Variants in ELOVL2 observed in about 807,000 individuals in gnomAD.
ELOVL2 encodes the protein very long chain fatty acid elongase 2.
ELOVL2 carries 38 observed loss-of-function variants against 37.7 expected under a neutral mutation model. The observed-to-expected ratio is 1.01, with a 90% CI of 0.78 to 1.32. The LOEUF (loss-of-function observed/expected upper bound fraction) is 1.32, where lower values mean the gene tolerates loss of function less well. ELOVL2 is among the 40% of genes most tolerant of loss of function. The pLI is 0.00. For missense variants in ELOVL2, 352 were observed against 363.6 expected, an observed-to-expected ratio of 0.97 and a Z score of 0.26; for synonymous variants, 115 against 122.3, an observed-to-expected ratio of 0.94 and a Z score of 0.40.
At chr6:10,998,814 C>T (rs922017170) in intron 4 of ELOVL2, among the ~76,000 whole-genome samples, 3 of 152,144 alleles carry the variant, frequency 2.0e-5, no homozygotes, top group African/African-American at 7.2e-5. Flanking sequence ...GCTCGTTGTA[C>T]TGGGTTGTCA....
At chr6:11,021,707 G>A (rs1398824070) in intron 1 of ELOVL2, among the ~76,000 whole-genome samples, 1 of 152,118 alleles carries the variant, frequency 6.6e-6, no homozygotes, top group Non-Finnish European at 1.5e-5. Flanking sequence ...AAATACCAAG[G>A]TTTAAAAATT....
intron 4 of ELOVL2, among the ~76,000 whole-genome samples, chr6:10,998,808 G>A (rs188908696): frequency 2.0e-5 from 3 of 152,278 alleles, no homozygotes; most frequent in East Asian, 1.9e-4. Context: ...ATCACTGCTC[G>A]TTGTACTGGG....
intron 5 of ELOVL2, 100 bp from the exon 6 acceptor site, chr6:10,990,542 G>C: frequency 8.7e-7 from 1 of 1,147,072 alleles, no homozygotes; most frequent in Non-Finnish European, 1.2e-6. Context: ...TTGAAAATGA[G>C]TAGCACATAT....
intron 7 of ELOVL2, 76 bp from the exon 8 acceptor site, chr6:10,983,982 G>A: frequency 7.7e-7 from 1 of 1,301,858 alleles, no homozygotes; most frequent in East Asian, 2.4e-5. Flanking sequence ...AGTGCATATA[G>A]TTAAAACAGT....
chr6:11,003,313 C>A (rs1782422769), intron 3 of ELOVL2, among the ~76,000 whole-genome samples: 2 of 152,254 alleles, frequency 1.3e-5, no homozygotes, highest in African/African-American at 4.8e-5. Context: ...TTGCTCCCCA[C>A]CCCCCGACAG....
intron 3 of ELOVL2, among the ~76,000 whole-genome samples, chr6:11,003,590 A>G (rs961498605): frequency 6.6e-6 from 1 of 152,180 alleles, no homozygotes; most frequent in African/African-American, 2.4e-5. Context: ...AGTCTTTGCT[A>G]TTGTAAATAG....
intron 2 of ELOVL2, among the ~76,000 whole-genome samples, chr6:11,008,769 A>T (rs1436722492): frequency 6.6e-6 from 1 of 152,240 alleles, no homozygotes; most frequent in African/African-American, 2.4e-5. Flanking sequence ...AAAAAAACCT[A>T]TGTGAAAGGA....
intron 1 of ELOVL2, among the ~76,000 whole-genome samples, chr6:11,016,366 T>A (rs895593897): frequency 3.3e-5 from 5 of 152,208 alleles, no homozygotes; most frequent in Non-Finnish European, 7.3e-5. Flanking sequence ...CACTGCTTTT[T>A]AAAATTAGCA....
At chr6:11,037,284 A>C (rs1783026107) in intron 1 of ELOVL2, among the ~76,000 whole-genome samples, 1 of 151,584 alleles carries the variant, frequency 6.6e-6, no homozygotes, top group Admixed American at 6.6e-5. Flanking sequence ...TTTTAATCTA[A>C]CTCCTCAGTG....
intron 1 of ELOVL2, among the ~76,000 whole-genome samples, chr6:11,020,310 C>G (rs1390784956): frequency 2.0e-5 from 3 of 152,104 alleles, no homozygotes; most frequent in Non-Finnish European, 4.4e-5. Context: ...AAATTCTTGA[C>G]TAAGTGAAAA....
chr6:11,035,864 G>A (rs1323030706), intron 1 of ELOVL2, among the ~76,000 whole-genome samples: 1 of 152,186 alleles, frequency 6.6e-6, no homozygotes, highest in Non-Finnish European at 1.5e-5. Context: ...AATTGACAGT[G>A]CTTACACACT....
At chr6:11,019,958 G>A (rs1306791242) in intron 1 of ELOVL2, among the ~76,000 whole-genome samples, 4 of 152,176 alleles carry the variant, frequency 2.6e-5, no homozygotes, top group East Asian at 1.9e-4. Flanking sequence ...TGGCCAAGCC[G>A]GTTTCGAACT....
Position 11,044,144 on chromosome 6 carries a change from G to C in ELOVL2, c.3+84C>G. 1.5e-6 allele frequency: 2 copies of C among 1,377,242 alleles called. No individual in the cohort carries two copies. Among genetic ancestry groups the C allele is most frequent in the Non-Finnish European group, 1.9e-6 (2 of 1,055,764 alleles). The allele number at this position is 1,377,242 out of a possible 1,614,324, so 85.3% of individuals were successfully genotyped here. ...ACCCGCAGCGCCCGCGCCGGCGCCC[G>C]CTCGGCCCTTTCCCGCCCGGTGCGT... is the stretch of plus-strand genomic sequence containing the variant. On this transcript the variant is annotated intron_variant, in intron 1 of 7. Coordinates refer to ENST00000354666, the MANE Select transcript of ELOVL2 (RefSeq NM_017770.4). The surrounding 1 kb of genome is among the most constrained non-coding windows in gnomAD (Gnocchi z 5.6).
At chr6:11,016,492 A>G (rs982806157) in intron 1 of ELOVL2, among the ~76,000 whole-genome samples, 1 of 152,214 alleles carries the variant, frequency 6.6e-6, no homozygotes, top group Non-Finnish European at 1.5e-5. Context: ...TTCAATGACA[A>G]GAAGTCAGGA....
intron 5 of ELOVL2, 41 bp from the exon 6 acceptor site, chr6:10,990,483 G>GGACT: frequency 6.5e-7 from 1 of 1,530,728 alleles, no homozygotes; most frequent in Non-Finnish European, 8.7e-7. Context: ...CTTCCAGGAA[G>GGACT]GACTGTTCAT....
intron 3 of ELOVL2, 147 bp from the exon 4 acceptor site, chr6:11,000,311 A>G (rs906642938): frequency 2.9e-6 from 2 of 698,106 alleles, no homozygotes; most frequent in African/African-American, 3.5e-5. Flanking sequence ...CCTATCCTCA[A>G]ACACCTATTA....
At chr6:11,040,779 C>T (rs1187376097) in intron 1 of ELOVL2, among the ~76,000 whole-genome samples, 1 of 151,998 alleles carries the variant, frequency 6.6e-6, no homozygotes, top group Admixed American at 6.6e-5. Context: ...TAAAGGGCAC[C>T]ATCATATTTG....
chr6:11,006,772 C>T (rs1782490416), intron 2 of ELOVL2, among the ~76,000 whole-genome samples: 1 of 152,164 alleles, frequency 6.6e-6, no homozygotes, highest in South Asian at 2.1e-4. Context: ...TAACAGATAC[C>T]ACCTTTCATA....
At chr6:10,994,886 G>T in intron 5 of ELOVL2, 121 bp downstream of exon 5, 2 of 769,734 alleles carry the variant, frequency 2.6e-6, no homozygotes, top group Non-Finnish European at 4.0e-6. Context: ...GCTGCGGCAA[G>T]GCCGGCGCTC....
Sources: gnomAD v4.1 joint callset for allele counts (sites outside exome capture counted in the v4.1 genomes callset) on GRCh38, gnomAD v4.1.1 for gene constraint, Gnocchi (gnomAD v3.1) non-coding constraint, MANE v1.5 for transcripts, NCBI Gene and HGNC (gene_info 2026-07-23, HGNC 2026-07-21) for gene names.